PHF12: variants seen among roughly 807,000 people sequenced by gnomAD.
PHF12 encodes the protein PHD finger protein 12, also known as PHD factor 1.
A neutral mutation model predicts 99.8 loss-of-function variants in PHF12; 6 were observed. The observed-to-expected ratio is 0.06, with a 90% CI of 0.03 to 0.12. The LOEUF (loss-of-function observed/expected upper bound fraction) is 0.12, where lower values mean the gene tolerates loss of function less well. PHF12 is among the 10% of genes least tolerant of loss of function. The probability of loss-of-function intolerance (pLI) is 1.00; values close to 1 mark genes in which losing one functional copy is unlikely to be tolerated. For synonymous variants in PHF12, 480 were observed against 514.9 expected, an observed-to-expected ratio of 0.93 and a Z score of 0.92; for missense variants, 954 against 1,300.1, an observed-to-expected ratio of 0.73 and a Z score of 4.09.
chr17:28,924,950 C>CA (rs3052129), intron 3 of PHF12: 2,357 of 93,440 alleles, frequency 0.025, 35 homozygotes, highest in South Asian at 0.11. Context: ...GATTCCATCT[C>CA]AAAAAAAAAA....
intron 10 of PHF12, 157 bp downstream of exon 10, chr17:28,910,955 G>GC (rs948271289): frequency 5.6e-5 from 57 of 1,010,990 alleles, no homozygotes; most frequent in South Asian, 1.9e-4. Context: ...TTTTCACCCC[G>GC]CCCCCCCATC....
rs1304837649 is a variant in PHF12 at position 28,907,005 on chromosome 17, G to A, written c.2542-11C>T. The A allele has an allele frequency of 2.5e-6, 4 of 1,599,240 alleles. No individual in the cohort carries two copies. Among genetic ancestry groups the A allele is most frequent in the Non-Finnish European group, 3.4e-6 (4 of 1,172,320 alleles). ...ATAATGTTTGGTATTCTGAGGAGGA[G>A]GAGGGGAGATAAGATGTGTGGTCTG... On this transcript the variant is annotated splice_polypyrimidine_tract_variant and intron_variant, in intron 13 of 14. Coordinates refer to ENST00000332830, the MANE Select transcript of PHF12 (RefSeq NM_001033561.2).
chr17:28,931,866 G>A (rs1486011053), intron 2 of PHF12, among the ~76,000 whole-genome samples: 1 of 152,122 alleles, frequency 6.6e-6, no homozygotes, highest in East Asian at 1.9e-4. Context: ...ACAGGTGTGA[G>A]CCACTGTGCC....
chr17:28,914,336 G>A (rs1364298926), intron 7 of PHF12, among the ~76,000 whole-genome samples: 1 of 152,106 alleles, frequency 6.6e-6, no homozygotes, highest in Non-Finnish European at 1.5e-5. Context: ...GGTTCTTATT[G>A]CTCAGTGTCA....
At chr17:28,931,013 A>G (rs2040389788) in intron 2 of PHF12, among the ~76,000 whole-genome samples, 2 of 152,210 alleles carry the variant, frequency 1.3e-5, no homozygotes, top group Admixed American at 1.3e-4. Context: ...TAGAGCCGTG[A>G]TCGTGCCACT....
At position 28,913,056 on chromosome 17, in the gene PHF12, G is replaced by A; in HGVS notation, c.1515C>T (p.Ser505=). 6.2e-7 allele frequency: 1 copy of A among 1,614,202 alleles called. No homozygotes were observed. Among genetic ancestry groups the A allele is most frequent in the Non-Finnish European group, 8.5e-7 (1 of 1,180,038 alleles). ...SCPSGISTQN[S]LSCSPPHQSP... ...ACTGGTGGGGTGGAGAGCAGCTCAG[G>A]GAATTCTGGGTGCTAATCCCTGAGG... Residue 505 remains serine (S), a synonymous_variant, in exon 9 of 15, where the codon TCC becomes TCT. Coordinates refer to ENST00000332830, the MANE Select transcript of PHF12 (RefSeq NM_001033561.2).
chr17:28,914,186 T>C, intron 7 of PHF12, 149 bp from the exon 8 acceptor site: 2 of 888,882 alleles, frequency 2.3e-6, no homozygotes, highest in South Asian at 1.9e-5. Context: ...GGCTCAGAAA[T>C]GGAAATAGCA....
intron 7 of PHF12, among the ~76,000 whole-genome samples, chr17:28,917,024 G>T (rs574095514): frequency 4.6e-5 from 7 of 152,284 alleles, no homozygotes; most frequent in African/African-American, 1.4e-4. Context: ...ATTTGGGTTT[G>T]GTGGGATGGG....
In PHF12 at chr17:28,913,923, G is replaced by A; in HGVS notation, c.1249C>T (p.Leu417Phe). 6.2e-7 allele frequency: 1 copy of A among 1,613,230 alleles called. No homozygotes were observed. Among genetic ancestry groups the A allele is most frequent in the Non-Finnish European group, 8.5e-7 (1 of 1,179,380 alleles). The change falls in exon 8 of 15, where the codon CTT becomes TTT. Residue 417 changes from leucine to phenylalanine, a missense_variant. Leu to Phe is a conservative substitution (Grantham distance 22, BLOSUM62 0). Transcript: ENST00000332830. ...GTGGCTAAGTGCTCAGAGTTCAAAAGGTGCATCTGTGATTCCTCAGGGATC... is the reference window on the plus strand; with the variant it reads ...GTGGCTAAGTGCTCAGAGTTCAAAAAGTGCATCTGTGATTCCTCAGGGATC... ...NGIPEESQMH[L>F]LNSEHLATQA... is the part of the protein sequence containing the mutation.
intron 2 of PHF12, among the ~76,000 whole-genome samples, chr17:28,931,297 C>T (rs2040398773): frequency 6.6e-6 from 1 of 151,154 alleles, no homozygotes. Flanking sequence ...GCTCAGTTGC[C>T]CAGGCTGGAG....
rs1456370444 is a variant in PHF12 at position 28,949,204 on chromosome 17, A to C, written c.248+861T>G. On this transcript the variant is annotated intron_variant, in intron 2 of 14. Transcript: ENST00000332830. The surrounding 1 kb of genome is among the most constrained non-coding windows in gnomAD (Gnocchi z 4.6). ...TCTGGCAGCAAAGAATTTTGCAGCG[A>C]AGGGCTCGCCGATCCGGAGCGGAGA... Among the ~76,000 whole-genome samples the C allele has an allele frequency of 6.6e-6, 1 of 152,234 alleles. No individual in the cohort carries two copies. Among genetic ancestry groups the C allele is most frequent in the East Asian group, 1.9e-4 (1 of 5,194 alleles).
chr17:28,913,820 C>T (rs1423905596), intron 8 of PHF12, 59 bp downstream of exon 8: 1 of 1,556,760 alleles, frequency 6.4e-7, no homozygotes, highest in African/African-American at 1.4e-5. Flanking sequence ...CTTCTGATAA[C>T]AGCTGTGGTG....
chr17:28,917,548 C>T (rs2040085045), intron 6 of PHF12, 99 bp from the exon 7 acceptor site: 1 of 1,333,780 alleles, frequency 7.5e-7, no homozygotes, highest in Non-Finnish European at 1.0e-6. Context: ...AAGCCCTCAG[C>T]CACATAGGTT....
intron 2 of PHF12, chr17:28,929,662 C>T (rs1165267771): frequency 6.6e-6 from 1 of 152,226 alleles, no homozygotes; most frequent in Non-Finnish European, 1.5e-5. Flanking sequence ...GCTTACATGT[C>T]AGATGCCCAC....
At chr17:28,907,319 T>A in intron 13 of PHF12, 2 of 533,172 alleles carry the variant, frequency 3.8e-6, no homozygotes, top group Non-Finnish European at 6.7e-6. Flanking sequence ...TCTATGCTGG[T>A]CCCCTCCCTT....
intron 6 of PHF12, among the ~76,000 whole-genome samples, chr17:28,917,822 A>G (rs1462080374): frequency 6.6e-6 from 1 of 151,894 alleles, no homozygotes; most frequent in Non-Finnish European, 1.5e-5. Context: ...GTATGCTTCG[A>G]CCCTTAAGAG....
rs1381030039 is a variant in PHF12 at position 28,922,248 on chromosome 17, T to A, written c.716-440A>T. 2.0e-5 allele frequency among the ~76,000 whole-genome samples: 3 copies of A among 152,168 alleles called. No homozygotes were observed. The East Asian group carries it at 5.8e-4, about 29-fold the overall frequency. ...GGACTACAGGTGTGGGCCATCAAAC[T>A]CAGCTAACTTTTTTATTTTTATTTT... On this transcript the variant is annotated intron_variant, in intron 4 of 14. Coordinates refer to ENST00000332830, the MANE Select transcript of PHF12 (RefSeq NM_001033561.2).
Position 28,908,770 on chromosome 17 carries a change from C to T in PHF12, c.2458+13G>A. 1 of 1,612,666 alleles carries T rather than the reference C, an allele frequency of 6.2e-7. No individual in the cohort carries two copies. The highest frequency in any genetic ancestry group is 8.5e-7 in the Non-Finnish European group (1 of 1,178,868). The stretch of plus-strand genomic sequence containing the variant: ...CAGATTCAGTGTCTCTCCCAGCTTC[C>T]TGGCTGGCTCACCTGTCCCGATGTA... On this transcript the variant is annotated intron_variant, in intron 12 of 14. Coordinates refer to ENST00000332830, the MANE Select transcript of PHF12 (RefSeq NM_001033561.2).
chr17:28,945,035 G>T (rs1328688920), intron 2 of PHF12: 1 of 152,208 alleles, frequency 6.6e-6, no homozygotes, highest in Non-Finnish European at 1.5e-5. Context: ...AACACTTTGT[G>T]AGGCCAAGGT....
Sources: gnomAD v4.1 joint callset for allele counts (sites outside exome capture counted in the v4.1 genomes callset) on GRCh38, gnomAD v4.1.1 for gene constraint, Gnocchi (gnomAD v3.1) non-coding constraint, MANE v1.5 for transcripts, NCBI Gene and HGNC (gene_info 2026-07-23, HGNC 2026-07-21) for gene names.